Variants in RANBP2 observed in about 807,000 individuals in gnomAD.
The protein encoded by RANBP2 is E3 SUMO-protein ligase RanBP2.
Under a neutral mutation model 303.6 loss-of-function variants are expected in RANBP2, and 57 were observed. The ratio of observed to expected loss-of-function variants is 0.19; its 90% CI spans 0.15 to 0.23. The LOEUF is 0.23. RANBP2 is among the 10% of genes least tolerant of loss of function. RANBP2 has a pLI of 1.00. For synonymous variants in RANBP2, 1,167 were observed against 1,301.5 expected (o/e 0.90, Z 2.23); for missense variants, 3,138 against 3,780.8 (o/e 0.83, Z 4.46).
At chr2:109,469,619 G>A in the RANBP2 span, among the ~76,000 whole-genome samples, 1 of 152,136 alleles carries the variant, frequency 6.6e-6, no homozygotes, top group African/African-American at 2.4e-5. Context: ...GGCCCCAGTG[G>A]CTCAGAGTGA....
At chr2:109,072,576 A>G in the RANBP2 span, among the ~76,000 whole-genome samples, 3 of 152,218 alleles carry the variant, frequency 2.0e-5, no homozygotes, top group Admixed American at 2.0e-4. Context: ...TCTGTGTCAA[A>G]GAACTGACAG....
At chr2:108,869,072 A>T in the RANBP2 span, among the ~76,000 whole-genome samples, 4 of 152,022 alleles carry the variant, frequency 2.6e-5, no homozygotes, top group South Asian at 2.1e-4. Context: ...ATAATATTGT[A>T]CATGCTCAAG....
chr2:108,785,119 T>A lies in RANBP2; in HGVS notation c.*1218T>A, dbSNP rs1678519818. On this transcript the variant is annotated 3_prime_UTR_variant, in exon 29 of 29. Coordinates refer to ENST00000283195, the MANE Select transcript of RANBP2 (RefSeq NM_006267.5). ...TCGGGTGAAATTACCTCATTTTATTTAGTGAGGAAAGACAGGTTTATTCCC... is the reference window on the plus strand; with the variant it reads ...TCGGGTGAAATTACCTCATTTTATTAAGTGAGGAAAGACAGGTTTATTCCC... 6.6e-6 allele frequency: 1 copy of A among 152,206 alleles called. No homozygotes were observed. Among genetic ancestry groups the A allele is most frequent in the South Asian group, 2.1e-4 (1 of 4,830 alleles). 9.4% of individuals were successfully genotyped at this position (152,206 alleles called of 1,614,324 possible).
At chr2:109,332,123 T>A in the RANBP2 span, among the ~76,000 whole-genome samples, 1 of 152,178 alleles carries the variant, frequency 6.6e-6, no homozygotes, top group African/African-American at 2.4e-5. Flanking sequence ...TGGCCAAGGC[T>A]GCTGGTAAAG....
At chr2:109,209,804 C>T in the RANBP2 span, among the ~76,000 whole-genome samples, 1 of 152,138 alleles carries the variant, frequency 6.6e-6, no homozygotes, top group Non-Finnish European at 1.5e-5. Context: ...AAATTGGACA[C>T]TCCAGTATTC....
the RANBP2 span, among the ~76,000 whole-genome samples, chr2:108,996,797 T>C: frequency 3.3e-5 from 5 of 152,168 alleles, no homozygotes; most frequent in African/African-American, 9.7e-5. Flanking sequence ...TGATGCGGGC[T>C]AGGTGGCTTT....
At chr2:109,549,597 G>A in the RANBP2 span, among the ~76,000 whole-genome samples, 174 of 152,234 alleles carry the variant, frequency 1.1e-3, no homozygotes, top group African/African-American at 3.4e-3. Context: ...GGGATCTTTT[G>A]TGCTATCAAT....
At chr2:109,161,230 C>G in the RANBP2 span, among the ~76,000 whole-genome samples, 1 of 152,156 alleles carries the variant, frequency 6.6e-6, no homozygotes. Context: ...GAATCCCCAC[C>G]TTATAAGTCA....
the RANBP2 span, among the ~76,000 whole-genome samples, chr2:109,522,109 C>T: frequency 6.6e-6 from 1 of 152,052 alleles, no homozygotes; most frequent in African/African-American, 2.4e-5. Context: ...GCTGAATGAA[C>T]ATATGCAAAT....
the RANBP2 span, among the ~76,000 whole-genome samples, chr2:109,550,341 C>T: frequency 6.7e-6 from 1 of 150,272 alleles, no homozygotes; most frequent in Admixed American, 6.6e-5. Flanking sequence ...GAGACGGATT[C>T]TCGCTCTGTT....
At chr2:109,213,811 T>G in the RANBP2 span, among the ~76,000 whole-genome samples, 1 of 152,038 alleles carries the variant, frequency 6.6e-6, no homozygotes, top group African/African-American at 2.4e-5. Flanking sequence ...TGGTGTGGTG[T>G]GGTGGATGGG....
intron 4 of RANBP2, among the ~76,000 whole-genome samples, chr2:108,732,230 T>C (rs557426117): frequency 6.6e-4 from 101 of 152,318 alleles, no homozygotes; most frequent in African/African-American, 2.4e-3. Context: ...TTATAGATTT[T>C]TTTGCACAGG....
At chr2:109,141,988 T>C in the RANBP2 span, among the ~76,000 whole-genome samples, 1 of 151,868 alleles carries the variant, frequency 6.6e-6, no homozygotes. Flanking sequence ...CTCTGGTGTG[T>C]GGCCATCATT....
At chr2:109,178,256 G>A in the RANBP2 span, among the ~76,000 whole-genome samples, 1 of 152,230 alleles carries the variant, frequency 6.6e-6, no homozygotes, top group Non-Finnish European at 1.5e-5. Flanking sequence ...GAACTTAGTT[G>A]TCAACGTTTT....
the RANBP2 span, among the ~76,000 whole-genome samples, chr2:109,388,498 C>T: frequency 6.6e-6 from 1 of 152,198 alleles, no homozygotes; most frequent in Non-Finnish European, 1.5e-5. Flanking sequence ...GTACTCTCAG[C>T]TGCTGACCCT....
chr2:108,999,663 T>C, the RANBP2 span, among the ~76,000 whole-genome samples: 1 of 152,220 alleles, frequency 6.6e-6, no homozygotes, highest in Non-Finnish European at 1.5e-5. Flanking sequence ...ATGTACACTT[T>C]TCGGTTTCCA....
At chr2:109,590,521 T>C in the RANBP2 span, among the ~76,000 whole-genome samples, 4 of 152,048 alleles carry the variant, frequency 2.6e-5, no homozygotes, top group African/African-American at 9.7e-5. Context: ...AACCTCTGCC[T>C]CCTGGGTTCA....
At chr2:109,522,821 CA>C in the RANBP2 span, among the ~76,000 whole-genome samples, 2 of 152,178 alleles carry the variant, frequency 1.3e-5, no homozygotes, top group African/African-American at 4.8e-5. Flanking sequence ...ACGCAATCAG[CA>C]GCACCTGCCC....
chr2:109,181,082 C>T, the RANBP2 span, among the ~76,000 whole-genome samples: 63 of 152,322 alleles, frequency 4.1e-4, no homozygotes, highest in African/African-American at 1.5e-3. Flanking sequence ...GACCCTCCGT[C>T]AGCATGAGCA....
Sources: gnomAD v4.1 joint callset for allele counts (sites outside exome capture counted in the v4.1 genomes callset) on GRCh38, gnomAD v4.1.1 for gene constraint, MANE v1.5 for transcripts, NCBI Gene and HGNC (gene_info 2026-07-23, HGNC 2026-07-21) for gene names.